The following MLIP variants were observed in gnomAD, a reference collection of about 807,000 sequenced individuals.
MLIP encodes the protein muscular LMNA-interacting protein.
In MLIP, 79 loss-of-function variants were observed where a neutral mutation model predicts 84.8. The observed-to-expected ratio is 0.93, with a 90% confidence interval of 0.78 to 1.12. The LOEUF (loss-of-function observed/expected upper bound fraction) is 1.12. Among genes scored for constraint, MLIP ranks in the 50% most tolerant of loss-of-function variants. The pLI is 0.00. For synonymous variants in MLIP, 504 were observed against 463.0 expected (o/e 1.09, Z -1.14); for missense variants, 1,257 against 1,160.6 (o/e 1.08, Z -1.21).
At chr6:54,210,724 C>T (rs1198201859) in intron 11 of MLIP, among the ~76,000 whole-genome samples, 2 of 33,014 alleles carry the variant, frequency 6.1e-5, no homozygotes, top group East Asian at 7.8e-4. Flanking sequence ...AAGACTCCAA[C>T]GGAGGGAAAA....
chr6:54,195,398 TA>T (rs1368936510), intron 10 of MLIP, among the ~76,000 whole-genome samples: 1 of 152,072 alleles, frequency 6.6e-6, no homozygotes, highest in African/African-American at 2.4e-5. Context: ...CAAAGGCAAT[TA>T]AAAAACATCA....
chr6:54,120,060 A>G (rs1451728987), intron 1 of MLIP, among the ~76,000 whole-genome samples: 1 of 152,150 alleles, frequency 6.6e-6, no homozygotes, highest in African/African-American at 2.4e-5. Flanking sequence ...AACAAACAAA[A>G]GCACCCTGTT....
At chr6:54,052,460 A>G (rs1302778632) in intron 1 of MLIP, among the ~76,000 whole-genome samples, 1 of 152,188 alleles carries the variant, frequency 6.6e-6, no homozygotes, top group Non-Finnish European at 1.5e-5. Context: ...GTTTAATAAC[A>G]CTGATTTTAG....
intron 1 of MLIP, among the ~76,000 whole-genome samples, chr6:54,116,489 A>G (rs906991443): frequency 6.6e-6 from 1 of 152,220 alleles, no homozygotes; most frequent in Admixed American, 6.5e-5. Context: ...AAAATTGGAT[A>G]AGCTTCCAGA....
chr6:54,220,249 T>C (rs2150769365), intron 11 of MLIP, among the ~76,000 whole-genome samples: 1 of 152,300 alleles, frequency 6.6e-6, no homozygotes, highest in East Asian at 1.9e-4. Context: ...TAACTAATAA[T>C]TGCATTATGG....
At chr6:54,163,261 C>A (rs1436080793) in intron 8 of MLIP, among the ~76,000 whole-genome samples, 1 of 151,502 alleles carries the variant, frequency 6.6e-6, no homozygotes, top group African/African-American at 2.4e-5. Context: ...TCCTTTTTTT[C>A]ATACCCTTTT....
intron 5 of MLIP, among the ~76,000 whole-genome samples, chr6:54,155,320 G>T (rs1364827442): frequency 6.6e-6 from 1 of 151,996 alleles, no homozygotes; most frequent in Non-Finnish European, 1.5e-5. Flanking sequence ...TTTTATATTA[G>T]TCCGGTAAGT....
At chr6:54,087,086 A>G (rs1767544763) in intron 1 of MLIP, among the ~76,000 whole-genome samples, 1 of 152,212 alleles carries the variant, frequency 6.6e-6, no homozygotes, top group Non-Finnish European at 1.5e-5. Context: ...CCCAGGATCT[A>G]GGATAACACC....
At chr6:54,049,169 T>A (rs1765238785) in intron 1 of MLIP, among the ~76,000 whole-genome samples, 1 of 152,178 alleles carries the variant, frequency 6.6e-6, no homozygotes, top group Non-Finnish European at 1.5e-5. Flanking sequence ...CTGAGGATTT[T>A]CAGCAAATAC....
chr6:54,242,974 T>A (rs1667167092), intron 12 of MLIP, among the ~76,000 whole-genome samples: 1 of 151,820 alleles, frequency 6.6e-6, no homozygotes, highest in South Asian at 2.1e-4. Flanking sequence ...GTATTGAATA[T>A]CTGTTAGGTG....
chr6:54,043,104 T>A (rs1017371688), intron 1 of MLIP, among the ~76,000 whole-genome samples: 1 of 152,152 alleles, frequency 6.6e-6, no homozygotes, highest in Non-Finnish European at 1.5e-5. Context: ...ATGACACTCC[T>A]ACAAACATCC....
At chr6:54,246,918 G>A (rs1400358585) in intron 12 of MLIP, among the ~76,000 whole-genome samples, 1 of 152,030 alleles carries the variant, frequency 6.6e-6, no homozygotes, top group African/African-American at 2.4e-5. Context: ...CTTTTTCATA[G>A]TAATTCATGG....
intron 5 of MLIP, among the ~76,000 whole-genome samples, chr6:54,152,221 A>G (rs1190594407): frequency 6.6e-6 from 1 of 152,160 alleles, no homozygotes. Context: ...TGAAATGCAA[A>G]TGATTATAAA....
chr6:54,111,541 G>T lies in MLIP; in HGVS notation c.62G>T (p.Cys21Phe). 1 of 1,536,012 alleles carries T rather than the reference G, an allele frequency of 6.5e-7. No individual in the cohort carries two copies. Among genetic ancestry groups the T allele is most frequent in the Non-Finnish European group, 8.7e-7 (1 of 1,146,856 alleles). Residue 21 changes from cysteine (C) to phenylalanine (F), a missense_variant, in exon 1 of 14, where the codon TGC becomes TTC. By Grantham distance (205) the Cys-to-Phe change is radical. Coordinates refer to ENST00000502396, the MANE Select transcript of MLIP (RefSeq NM_001281747.2). Reference protein sequence around the residue: ...CGNNYFQMTSCILSGSIQTTP... With the variant: ...CGNNYFQMTSFILSGSIQTTP... Reference sequence around the variant, plus strand: ...AACAATTACTTCCAAATGACCTCGTGCATCTTATCAGGGAGCATTCAGACC... The same window carrying T: ...AACAATTACTTCCAAATGACCTCGTTCATCTTATCAGGGAGCATTCAGACC...
Position 54,125,323 on chromosome 6 carries a change from G to A in MLIP, c.645+458G>A, listed in dbSNP as rs1442160335. Among the ~76,000 whole-genome samples the A allele has an allele frequency of 3.3e-5, 5 of 152,270 alleles. No homozygotes were observed. The East Asian group carries it at 9.7e-4, about 29-fold the overall frequency. On this transcript the variant is annotated intron_variant, in intron 3 of 13. Transcript: ENST00000502396. Reference sequence around the variant, plus strand: ...TTAAATTAGTAAAAGACTAGTAAAAGGATAAACTAGGAAATAAGAGTAAGA... The same window carrying A: ...TTAAATTAGTAAAAGACTAGTAAAAAGATAAACTAGGAAATAAGAGTAAGA...
rs1212775109 is a variant in MLIP at position 54,172,707 on chromosome 6, GA to G, written c.2544+3146del. ...CTTTGTTGAAAGACTGACTTCTCTG[GA>G]AAAAAAAAAAGAAAAAAATAAACAA... On this transcript the variant is annotated intron_variant, in intron 9 of 13. Coordinates refer to ENST00000502396, the MANE Select transcript of MLIP (RefSeq NM_001281747.2). Among the ~76,000 whole-genome samples, 1,333 of 138,246 alleles carry G rather than the reference GA, an allele frequency of 9.6e-3. 18 individuals are homozygous for G. Among genetic ancestry groups the G allele is most frequent in the African/African-American group, 0.031 (1,177 of 38,000 alleles). 90.7% of individuals were successfully genotyped at this position (138,246 alleles called of 152,430 possible).
At chr6:54,177,067 A>G (rs1219374113) in intron 9 of MLIP, among the ~76,000 whole-genome samples, 7 of 152,364 alleles carry the variant, frequency 4.6e-5, no homozygotes, top group Non-Finnish European at 1.5e-5. Context: ...TGAATTAAAG[A>G]CTTAAATGTA....
intron 5 of MLIP, among the ~76,000 whole-genome samples, chr6:54,151,142 A>G (rs907917137): frequency 2.0e-5 from 3 of 152,096 alleles, no homozygotes; most frequent in Admixed American, 6.6e-5. Context: ...ACTTATTCAA[A>G]GGTCTCAGAT....
At chr6:54,050,588 T>C (rs1455691214) in intron 1 of MLIP, among the ~76,000 whole-genome samples, 2 of 152,160 alleles carry the variant, frequency 1.3e-5, no homozygotes, top group African/African-American at 4.8e-5. Context: ...AATTTGAGTT[T>C]TTTTGTTTTT....
Sources: allele counts gnomAD v4.1 joint callset (sites outside exome capture counted in the v4.1 genomes callset), GRCh38; gene constraint gnomAD v4.1.1; transcripts MANE v1.5; gene names NCBI Gene and HGNC (gene_info 2026-07-23, HGNC 2026-07-21).